MIA2: variants seen among roughly 807,000 people sequenced by gnomAD.
MIA2 encodes the protein melanoma inhibitory activity protein 2.
In MIA2, 127 loss-of-function variants were observed where a neutral mutation model predicts 167.8. The observed-to-expected ratio is 0.76, with a 90% CI of 0.66 to 0.88. MIA2 has a LOEUF of 0.88. MIA2 is among the 40% of genes least tolerant of loss of function. The pLI is 0.00. For missense variants in MIA2, 1,690 were observed against 1,624.7 expected (o/e 1.04, Z -0.69); for synonymous variants, 552 against 541.9 (o/e 1.02, Z -0.26).
intron 23 of MIA2, among the ~76,000 whole-genome samples, chr14:39,359,413 A>G (rs916975931): frequency 6.6e-6 from 1 of 152,196 alleles, no homozygotes; most frequent in Non-Finnish European, 1.5e-5. Flanking sequence ...ACGCAGTATT[A>G]GGGTGGGAGT....
At chr14:39,384,906 C>G (rs947968673) in intron 23 of MIA2, among the ~76,000 whole-genome samples, 1 of 152,180 alleles carries the variant, frequency 6.6e-6, no homozygotes, top group Non-Finnish European at 1.5e-5. Flanking sequence ...TGTGACAAAT[C>G]CAACTACCTT....
rs766214703 is a variant in MIA2, at chr14:39,350,118, A to G, written c.4093A>G (p.Arg1365Gly). 7.3e-7 allele frequency: 1 copy of G among 1,368,826 alleles called. No homozygotes were observed. Among genetic ancestry groups the G allele is most frequent in the South Asian group, 1.3e-5 (1 of 74,924 alleles). The allele number at this position is 1,368,826 out of a possible 1,614,324, so 84.8% of individuals were successfully genotyped here. ...PFAMRNVYPPRGFPPYLPPRP... is the reference protein window; with the variant it reads ...PFAMRNVYPPGGFPPYLPPRP... ...AACAGTGAGAAATGTCTATCCACCG[A>G]GGGGTTTTCCTCCTTACCTTCCCCC... The change falls in exon 29 of 29, where the codon AGG becomes GGG. Residue 1365 changes from arginine (R) to glycine (G), a missense_variant. Coordinates refer to ENST00000640607, the MANE Select transcript of MIA2 (RefSeq NM_001329214.4).
At chr14:39,242,387 A>G (rs2054085630) in intron 3 of MIA2, among the ~76,000 whole-genome samples, 1 of 148,592 alleles carries the variant, frequency 6.7e-6, no homozygotes, top group Admixed American at 6.8e-5. Context: ...CAATGGCATG[A>G]TCTCTGCTCA....
At chr14:39,281,391 A>G (rs1168716335) in intron 9 of MIA2, among the ~76,000 whole-genome samples, 1 of 151,972 alleles carries the variant, frequency 6.6e-6, no homozygotes, top group African/African-American at 2.4e-5. Context: ...GTTTGCCCAC[A>G]CTTCAGTCTA....
chr14:39,293,324 C>T lies in MIA2; in HGVS notation c.2262C>T (p.Leu754=). 1 of 1,612,684 alleles carries T rather than the reference C, an allele frequency of 6.2e-7. No individual in the cohort carries two copies. Among genetic ancestry groups the T allele is most frequent in the Non-Finnish European group, 8.5e-7 (1 of 1,179,276 alleles). ...RSNSELEDEI[L]CLEKELKEEK... ...ATTCTGAACTTGAGGATGAAATACT[C>T]TGTCTAGAAAAAGAGTTAAAAGAAG... The change falls in exon 11 of 29, where the codon CTC becomes CTT. Residue 754 remains leucine, a synonymous_variant. Transcript: ENST00000640607.
intron 4 of MIA2, 27 bp downstream of exon 4, chr14:39,248,168 A>C (rs1566596461): frequency 3.1e-6 from 4 of 1,284,080 alleles, no homozygotes; most frequent in South Asian, 4.3e-5. Context: ...TTACATTAGA[A>C]TTTATTTTAT....
rs930565573 is a variant in MIA2, at chr14:39,349,830, T to C, written c.4073-268T>C. 3.9e-5 allele frequency among the ~76,000 whole-genome samples: 6 copies of C among 152,208 alleles called. No homozygotes were observed. In the South Asian group the frequency reaches 1.2e-3, roughly 32 times the overall value. ...AAAGTGATTTACAGTAAGTTTTATA[T>C]ATTTTGAAATAATTCCTCTTTTTTA... On this transcript the variant is annotated intron_variant, in intron 28 of 28. Transcript: ENST00000640607.
chr14:39,317,534 A>G (rs1028697023), intron 21 of MIA2, among the ~76,000 whole-genome samples: 1 of 152,160 alleles, frequency 6.6e-6, no homozygotes, highest in East Asian at 1.9e-4. Flanking sequence ...GACATGGCTC[A>G]CACTGTCAAC....
rs188520821 is a variant in MIA2 at position 39,347,613 on chromosome 14, C to T, written c.3779-100C>T. The T allele has an allele frequency of 2.5e-4, 302 of 1,207,156 alleles. No homozygotes were observed. The African/African-American group carries it at 3.7e-3, about 15-fold the overall frequency. The allele number at this position is 1,207,156 out of a possible 1,614,324, so 74.8% of individuals were successfully genotyped here. On this transcript the variant is annotated intron_variant, in intron 26 of 28. Coordinates refer to ENST00000640607, the MANE Select transcript of MIA2 (RefSeq NM_001329214.4). Reference sequence around the variant, plus strand: ...ATTGGTGTCCAGCTGGCTTATGTGCCAACAAGGGGAGTGGGAAAATACCAA... The same window carrying T: ...ATTGGTGTCCAGCTGGCTTATGTGCTAACAAGGGGAGTGGGAAAATACCAA...
At chr14:39,312,909 G>A (rs182679109) in intron 18 of MIA2, among the ~76,000 whole-genome samples, 46 of 151,490 alleles carry the variant, frequency 3.0e-4, no homozygotes, top group Admixed American at 7.2e-4. Context: ...GTGTGTGTGC[G>A]TGTGTGTTTA....
chr14:39,264,417 G>A (rs145735724), intron 6 of MIA2, among the ~76,000 whole-genome samples: 125 of 152,284 alleles, frequency 8.2e-4, no homozygotes, highest in African/African-American at 2.8e-3. Context: ...GAGAGTGCAC[G>A]TGTCTTTTGT....
chr14:39,369,072 G>C lies in MIA2; in HGVS notation c.2249-17813G>C, dbSNP rs373254925. 1.2e-4 allele frequency among the ~76,000 whole-genome samples: 18 copies of C among 152,232 alleles called. No individual in the cohort carries two copies. In the East Asian group the frequency reaches 3.1e-3, roughly 26 times the overall value. On this transcript the variant is annotated intron_variant, in intron 23 of 23. Coordinates refer to the MIA2 transcript ENST00000341502. The stretch of plus-strand genomic sequence containing the variant: ...AAGATGAACTAGTTAACTAGTACTG[G>C]CTCATATTTTTTTAAATGTAAGATG...
chr14:39,372,124 G>C (rs1481798364), intron 23 of MIA2, among the ~76,000 whole-genome samples: 1 of 152,008 alleles, frequency 6.6e-6, no homozygotes, highest in Admixed American at 6.6e-5. Flanking sequence ...GAATGATGTG[G>C]AATAAATTTC....
chr14:39,313,304 T>G, intron 18 of MIA2, 36 bp from the exon 19 acceptor site: 1 of 1,067,088 alleles, frequency 9.4e-7, no homozygotes, highest in South Asian at 1.5e-5. Context: ...TCTTTTGACA[T>G]GTATTAAGAG....
In MIA2 at chr14:39,361,370, A is replaced by G. The variant is rs2074678194; in HGVS notation, c.2248+12393A>G. On this transcript the variant is annotated intron_variant, in intron 23 of 23. Transcript: ENST00000341502. ...GAAGGCCTTTCACCTCCTTGTTTAT[A>G]TTTATTCTTTGGTGTTTTACTGTTT... Among the ~76,000 whole-genome samples the G allele has an allele frequency of 3.4e-5, 5 of 146,610 alleles. No individual in the cohort carries two copies. In the South Asian group the frequency reaches 1.1e-3, roughly 32 times the overall value.
At chr14:39,266,161 G>A (rs1197454194) in intron 6 of MIA2, 2 of 985,370 alleles carry the variant, frequency 2.0e-6, no homozygotes, top group African/African-American at 3.5e-5. Flanking sequence ...TGGGTGATTT[G>A]TTTAGGAGGA....
chr14:39,325,245 T>G (rs1321316883), intron 24 of MIA2, among the ~76,000 whole-genome samples: 2 of 151,494 alleles, frequency 1.3e-5, no homozygotes, highest in Non-Finnish European at 2.9e-5. Context: ...AAAATGTTTT[T>G]AAAGCTGTTC....
At chr14:39,235,211 A>AT (rs1435263649) in intron 1 of MIA2, among the ~76,000 whole-genome samples, 2 of 151,762 alleles carry the variant, frequency 1.3e-5, no homozygotes, top group South Asian at 2.1e-4. Context: ...AATTTTTTGT[A>AT]TTTTAGTAGA....
chr14:39,317,946 G>A lies in MIA2; in HGVS notation c.3219G>A (p.Leu1073=). 2 of 1,571,706 alleles carry A rather than the reference G, an allele frequency of 1.3e-6. No homozygotes were observed. Among genetic ancestry groups the A allele is most frequent in the Non-Finnish European group, 1.7e-6 (2 of 1,162,420 alleles). ...TAAAATGTGTTATTTTCTTCAAGTT[G>A]GCAGCTCGGAATGCTGAAAGAAACC... ...SHEKKAHDNW[L]AARNAERNLN... The change falls in exon 22 of 29, where the codon TTG becomes TTA. Residue 1073 remains leucine, a splice_region_variant and synonymous_variant. Transcript: ENST00000640607.
Sources: allele counts gnomAD v4.1 joint callset (sites outside exome capture counted in the v4.1 genomes callset), GRCh38; gene constraint gnomAD v4.1.1; transcripts MANE v1.5; gene names NCBI Gene and HGNC (gene_info 2026-07-23, HGNC 2026-07-21).